PBX1: variants seen among roughly 807,000 people sequenced by gnomAD.
The protein encoded by PBX1 is PBX homeobox 1, also known as pre-B-cell leukemia transcription factor 1.
A neutral mutation model predicts 53.4 loss-of-function variants in PBX1; 6 were observed. That is an observed-to-expected ratio of 0.11 (90% confidence interval 0.06 to 0.22). PBX1 has a LOEUF of 0.22. Among genes scored for constraint, PBX1 ranks in the 10% least tolerant of loss-of-function variants. PBX1 has a pLI of 1.00. For missense variants in PBX1, 251 were observed against 551.4 expected (o/e 0.46, Z 5.46); for synonymous variants, 204 against 212.3 (o/e 0.96, Z 0.34).
chr1:164,697,782 G>A (rs1017307350), intron 2 of PBX1, among the ~76,000 whole-genome samples: 5 of 152,122 alleles, frequency 3.3e-5, no homozygotes, highest in African/African-American at 1.2e-4. Context: ...ATATCACTTA[G>A]CCTGATTGTG....
intron 7 of PBX1, 83 bp downstream of exon 7, chr1:164,820,267 C>CAG (rs1287141297): frequency 2.4e-5 from 19 of 792,650 alleles, no homozygotes; most frequent in Non-Finnish European, 2.4e-5. Flanking sequence ...TGCTTCTGTC[C>CAG]AGAGAGAGAG....
Position 164,857,522 on chromosome 1 carries a change from A to G in PBX1, n.257+26039A>G, listed in dbSNP as rs570788570. Among the ~76,000 whole-genome samples the G allele has an allele frequency of 8.5e-5, 13 of 152,322 alleles. No individual in the cohort carries two copies. The South Asian group carries it at 1.7e-3, about 19-fold the overall frequency. On this transcript the variant is annotated intron_variant and non_coding_transcript_variant, in intron 2 of 2. Transcript: ENST00000558796. ...TCCATAGGCATTGGTGACGCAGGCT[A>G]TAGCCTCTTACCCAGGAATTGTGGG... is the stretch of plus-strand genomic sequence containing the variant.
At chr1:164,864,174 G>A (rs1410130722) in intron 2 of PBX1, among the ~76,000 whole-genome samples, 4 of 152,050 alleles carry the variant, frequency 2.6e-5, no homozygotes, top group Non-Finnish European at 4.4e-5. Context: ...GGAAGATGTG[G>A]GTCACTGTTG....
At chr1:164,694,077 T>A in intron 2 of PBX1, among the ~76,000 whole-genome samples, 1 of 152,016 alleles carries the variant, frequency 6.6e-6, no homozygotes, top group South Asian at 2.1e-4. Flanking sequence ...TTTTTTTCAA[T>A]TAACTTCTAG....
chr1:164,745,462 A>G (rs945493305), intron 2 of PBX1, among the ~76,000 whole-genome samples: 1 of 152,238 alleles, frequency 6.6e-6, no homozygotes, highest in East Asian at 1.9e-4. Flanking sequence ...CTCTAATAGC[A>G]TGTTGGAAAG....
intron 2 of PBX1, among the ~76,000 whole-genome samples, chr1:164,716,852 G>C (rs1664127651): frequency 1.3e-5 from 2 of 152,138 alleles, no homozygotes; most frequent in Non-Finnish European, 2.9e-5. Flanking sequence ...GCACATCCTG[G>C]GTGCCAGACA....
chr1:164,592,082 G>C (rs1340970347), intron 2 of PBX1, among the ~76,000 whole-genome samples: 1 of 152,024 alleles, frequency 6.6e-6, no homozygotes, highest in Non-Finnish European at 1.5e-5. Flanking sequence ...TAATGTGGCT[G>C]GGGGGAAAGG....
intron 2 of PBX1, among the ~76,000 whole-genome samples, chr1:164,592,755 C>T (rs781242562): frequency 1.2e-4 from 18 of 152,152 alleles, no homozygotes; most frequent in Non-Finnish European, 2.5e-4. Flanking sequence ...GTATCCCCAA[C>T]CATCCCTCCT....
chr1:164,685,070 A>G (rs1384795237), intron 2 of PBX1: 1 of 152,198 alleles, frequency 6.6e-6, no homozygotes, highest in Non-Finnish European at 1.5e-5. Context: ...CAGAGAGGTT[A>G]ATGACTTCCT....
At chr1:164,764,367 G>A (rs1194862517) in intron 2 of PBX1, among the ~76,000 whole-genome samples, 2 of 152,202 alleles carry the variant, frequency 1.3e-5, no homozygotes, top group South Asian at 2.1e-4. Flanking sequence ...TTGTGTATCT[G>A]TATAATATTT....
intron 3 of PBX1, among the ~76,000 whole-genome samples, chr1:164,797,338 G>T (rs547998453): frequency 2.0e-5 from 3 of 152,270 alleles, no homozygotes; most frequent in East Asian, 1.9e-4. Flanking sequence ...GCTGCAGCCC[G>T]GCGGGAGGTT....
At chr1:164,625,844 G>T in intron 2 of PBX1, 19 of 570,734 alleles carry the variant, frequency 3.3e-5, no homozygotes, top group Non-Finnish European at 4.1e-5. Flanking sequence ...CACCTTACAT[G>T]AATTATCCCA....
chr1:164,712,283 G>C (rs1055758641), intron 2 of PBX1, among the ~76,000 whole-genome samples: 1 of 152,040 alleles, frequency 6.6e-6, no homozygotes. Context: ...GTCCGTCAGC[G>C]GCTATCTTCT....
At chr1:164,705,328 G>A (rs1182620199) in intron 2 of PBX1, among the ~76,000 whole-genome samples, 1 of 152,116 alleles carries the variant, frequency 6.6e-6, no homozygotes, top group Admixed American at 6.5e-5. Flanking sequence ...GTTGTGTTTG[G>A]TAATTAAAAA....
chr1:164,875,228 G>C (rs144386735), intron 2 of PBX1, among the ~76,000 whole-genome samples: 1 of 152,162 alleles, frequency 6.6e-6, no homozygotes, highest in Admixed American at 6.5e-5. Context: ...AAGGAAGCAC[G>C]ACTGGGCTGG....
intron 2 of PBX1, among the ~76,000 whole-genome samples, chr1:164,721,211 G>T (rs573793633): frequency 4.6e-5 from 7 of 152,220 alleles, no homozygotes; most frequent in Non-Finnish European, 7.3e-5. Flanking sequence ...TTCTAGTCAT[G>T]CTTTGTGGTG....
At chr1:164,619,986 CA>C (rs1657560531) in intron 2 of PBX1, among the ~76,000 whole-genome samples, 1 of 151,946 alleles carries the variant, frequency 6.6e-6, no homozygotes, top group Non-Finnish European at 1.5e-5. Context: ...CCAGCCTAAG[CA>C]TTTGAGACCA....
chr1:164,774,130 G>A (rs538463727), intron 2 of PBX1, among the ~76,000 whole-genome samples: 1 of 152,276 alleles, frequency 6.6e-6, no homozygotes, highest in East Asian at 1.9e-4. Context: ...TGAATAGGAT[G>A]TTAAGGAAAG....
intron 2 of PBX1, chr1:164,640,924 C>T (rs190832208): frequency 2.0e-5 from 3 of 152,554 alleles, no homozygotes; most frequent in African/African-American, 7.2e-5. Flanking sequence ...ATAGCTTGAC[C>T]TCTCTGTCAA....
Sources: allele counts gnomAD v4.1 joint callset (sites outside exome capture counted in the v4.1 genomes callset), GRCh38; gene constraint gnomAD v4.1.1; transcripts MANE v1.5; gene names NCBI Gene and HGNC (gene_info 2026-07-23, HGNC 2026-07-21).